RASGEF1A: variants seen among roughly 807,000 people sequenced by gnomAD.
RASGEF1A encodes the protein RasGEF domain family member 1A.
Under a neutral mutation model 56.4 loss-of-function variants are expected in RASGEF1A, and 18 were observed. The ratio of observed to expected loss-of-function variants is 0.32; its 90% CI spans 0.22 to 0.47. The LOEUF is 0.47. Ranked by LOEUF, RASGEF1A falls within the 20% of genes least tolerant of loss-of-function variation. The probability of loss-of-function intolerance (pLI) is 1.00; values close to 1 mark genes in which losing one functional copy is unlikely to be tolerated. For synonymous variants in RASGEF1A, 245 were observed against 242.6 expected, an observed-to-expected ratio of 1.01 and a Z score of -0.09; for missense variants, 422 against 627.1, an observed-to-expected ratio of 0.67 and a Z score of 3.49.
At chr10:43,200,055 G>A (rs1839868329) in intron 6 of RASGEF1A, 127 bp downstream of exon 6, 2 of 754,308 alleles carry the variant, frequency 2.7e-6, no homozygotes, top group Non-Finnish European at 4.4e-6. Context: ...ACATCCATCG[G>A]GGCTCATGGC....
At chr10:43,208,096 T>A (rs1011525009) in intron 1 of RASGEF1A, 3 of 985,458 alleles carry the variant, frequency 3.0e-6, no homozygotes, top group South Asian at 9.4e-5. Flanking sequence ...CCACAGCTGC[T>A]CAGCACTGTC....
chr10:43,229,511 G>A, intron 1 of RASGEF1A: 1 of 704,964 alleles, frequency 1.4e-6, no homozygotes, highest in Non-Finnish European at 2.2e-6. Flanking sequence ...AGGGCGGCGC[G>A]CGGGTCCTCA....
At chr10:43,265,040 C>T (rs866631185) in intron 1 of RASGEF1A, among the ~76,000 whole-genome samples, 3 of 152,210 alleles carry the variant, frequency 2.0e-5, no homozygotes, top group Non-Finnish European at 2.9e-5. Flanking sequence ...AGTGCCCACT[C>T]GCTCTCCTCC....
At chr10:43,207,163 C>T (rs1024326410) in intron 1 of RASGEF1A, 14 of 985,358 alleles carry the variant, frequency 1.4e-5, no homozygotes, top group Admixed American at 6.1e-5. Context: ...CTTGCCTGCA[C>T]ACAGAGCCAG....
chr10:43,247,176 T>C (rs2133222173), intron 1 of RASGEF1A, among the ~76,000 whole-genome samples: 1 of 152,364 alleles, frequency 6.6e-6, no homozygotes, highest in East Asian at 1.9e-4. Flanking sequence ...CTCAAAATTA[T>C]TAGTTATTAG....
intron 4 of RASGEF1A, 44 bp downstream of exon 4, chr10:43,201,764 G>A: frequency 6.6e-7 from 1 of 1,508,054 alleles, no homozygotes; most frequent in Non-Finnish European, 9.0e-7. Flanking sequence ...GGCAGACCCT[G>A]GCACACACCC....
chr10:43,249,247 A>G (rs1017522308), intron 1 of RASGEF1A, among the ~76,000 whole-genome samples: 1 of 152,078 alleles, frequency 6.6e-6, no homozygotes, highest in Non-Finnish European at 1.5e-5. Context: ...CCCCACACCC[A>G]CACCACTGCC....
At chr10:43,259,411 C>T (rs1836487789) in intron 1 of RASGEF1A, among the ~76,000 whole-genome samples, 2 of 152,186 alleles carry the variant, frequency 1.3e-5, no homozygotes, top group Admixed American at 6.5e-5. Flanking sequence ...ACTGGAGTGC[C>T]AGCATCCAAG....
intron 1 of RASGEF1A, among the ~76,000 whole-genome samples, chr10:43,231,551 T>C (rs939373511): frequency 6.6e-6 from 1 of 152,222 alleles, no homozygotes; most frequent in African/African-American, 2.4e-5. Context: ...AGTCACAGGG[T>C]CACTTCCTAT....
At chr10:43,216,249 G>C (rs1276187327) in intron 1 of RASGEF1A, among the ~76,000 whole-genome samples, 1 of 152,258 alleles carries the variant, frequency 6.6e-6, no homozygotes, top group African/African-American at 2.4e-5. Flanking sequence ...CATTGCCATC[G>C]GTACTCAGGG....
At chr10:43,202,555 C>A (rs1405294745) in intron 3 of RASGEF1A, 9 of 457,870 alleles carry the variant, frequency 2.0e-5, no homozygotes, top group Non-Finnish European at 3.5e-5. Flanking sequence ...TCCAATCCCC[C>A]AGAACGCACC....
intron 1 of RASGEF1A, chr10:43,209,220 G>A (rs189256279): frequency 2.6e-5 from 26 of 985,028 alleles, no homozygotes; most frequent in East Asian, 1.1e-4. Context: ...ACTGAAAACC[G>A]CAAGGCTACA....
At chr10:43,244,287 C>A (rs1444060477) in intron 1 of RASGEF1A, among the ~76,000 whole-genome samples, 2 of 139,404 alleles carry the variant, frequency 1.4e-5, no homozygotes, top group Non-Finnish European at 3.3e-5. Flanking sequence ...AAACCAGAGA[C>A]CTTTGTTCTC....
intron 1 of RASGEF1A, among the ~76,000 whole-genome samples, chr10:43,233,341 C>T (rs892999487): frequency 2.0e-5 from 3 of 152,072 alleles, no homozygotes; most frequent in South Asian, 4.1e-4. Flanking sequence ...TAGACAGATA[C>T]AGAGACACAA....
intron 2 of RASGEF1A, chr10:43,203,654 A>G: frequency 8.3e-7 from 1 of 1,208,896 alleles, no homozygotes; most frequent in Non-Finnish European, 1.1e-6. Flanking sequence ...CAGCTCTCCC[A>G]GGCCTCCTAG....
At chr10:43,231,090 C>T (rs777180129) in intron 1 of RASGEF1A, among the ~76,000 whole-genome samples, 28 of 152,168 alleles carry the variant, frequency 1.8e-4, no homozygotes, top group Non-Finnish European at 2.8e-4. Flanking sequence ...GCGGGGAGTA[C>T]GAGGCAACCA....
intron 1 of RASGEF1A, among the ~76,000 whole-genome samples, chr10:43,250,134 C>G (rs1840609944): frequency 6.6e-6 from 1 of 152,224 alleles, no homozygotes; most frequent in African/African-American, 2.4e-5. Context: ...CCTGAAGGAC[C>G]GGTGCAGCTC....
At chr10:43,242,506 C>T (rs913809096) in intron 1 of RASGEF1A, among the ~76,000 whole-genome samples, 1 of 151,764 alleles carries the variant, frequency 6.6e-6, no homozygotes, top group Non-Finnish European at 1.5e-5. Flanking sequence ...CTCTCCCTCT[C>T]CCTCTCCCTC....
intron 1 of RASGEF1A, among the ~76,000 whole-genome samples, chr10:43,232,293 G>C (rs1487995019): frequency 6.6e-6 from 1 of 152,150 alleles, no homozygotes; most frequent in Non-Finnish European, 1.5e-5. Flanking sequence ...CTGACTGTTT[G>C]AAAGTGTGGG....
Sources: allele counts gnomAD v4.1 joint callset (sites outside exome capture counted in the v4.1 genomes callset), GRCh38; gene constraint gnomAD v4.1.1; transcripts MANE v1.5; gene names NCBI Gene and HGNC (gene_info 2026-07-23, HGNC 2026-07-21).